The following IMMP2L variants were observed in gnomAD, a reference collection of about 807,000 sequenced individuals.
IMMP2L encodes mitochondrial inner membrane protease subunit 2.
In IMMP2L, 18 loss-of-function variants were observed where a neutral mutation model predicts 19.3. The ratio of observed to expected loss-of-function variants is 0.93; its 90% confidence interval spans 0.64 to 1.38. The LOEUF (loss-of-function observed/expected upper bound fraction) is 1.38, where lower values mean the gene tolerates loss of function less well. Among genes scored for constraint, IMMP2L ranks in the 40% most tolerant of loss-of-function variants. The probability of loss-of-function intolerance (pLI) is 0.00; values close to 1 mark genes in which losing one functional copy is unlikely to be tolerated. For missense variants in IMMP2L, 233 were observed against 218.2 expected (o/e 1.07, Z -0.43); for synonymous variants, 76 against 73.0 (o/e 1.04, Z -0.21).
At chr7:111,122,451 T>C (rs1336688618) in intron 3 of IMMP2L, 1 of 215,722 alleles carries the variant, frequency 4.6e-6, no homozygotes, top group Admixed American at 5.4e-5. Context: ...TGAAGAAGCA[T>C]GGGATTTAAA....
At chr7:111,235,581 T>C (rs1212135568) in intron 3 of IMMP2L, among the ~76,000 whole-genome samples, 2 of 152,140 alleles carry the variant, frequency 1.3e-5, no homozygotes, top group African/African-American at 4.8e-5. Flanking sequence ...CTTAACCATC[T>C]TTGTTACTCT....
intron 5 of IMMP2L, among the ~76,000 whole-genome samples, chr7:110,747,066 G>A (rs759584842): frequency 6.6e-6 from 1 of 151,920 alleles, no homozygotes; most frequent in Non-Finnish European, 1.5e-5. Flanking sequence ...AATGATAAAG[G>A]GGATACCACC....
rs754655996 is a variant in IMMP2L at position 111,536,957 on chromosome 7, TG to T, written c.-2-15509del. On this transcript the variant is annotated intron_variant, in intron 1 of 5. Coordinates refer to ENST00000405709, the MANE Select transcript of IMMP2L (RefSeq NM_032549.4). ...AGAAACAGCTGACATTGAAATTGTC[TG>T]CATCTAAAGGACATGTCAGGAAAAG... 2.6e-5 allele frequency among the ~76,000 whole-genome samples: 4 copies of T among 151,966 alleles called. No individual in the cohort carries two copies. In the South Asian group the frequency reaches 8.3e-4, roughly 32 times the overall value.
intron 1 of IMMP2L, among the ~76,000 whole-genome samples, chr7:111,550,417 C>G (rs1849341887): frequency 6.6e-6 from 1 of 152,098 alleles, no homozygotes; most frequent in Admixed American, 6.6e-5. Flanking sequence ...ATGCACTACA[C>G]CAAGAATGAA....
intron 3 of IMMP2L, among the ~76,000 whole-genome samples, chr7:111,429,094 A>T (rs1210599657): frequency 6.6e-6 from 1 of 151,870 alleles, no homozygotes; most frequent in Non-Finnish European, 1.5e-5. Context: ...CTATCAAATA[A>T]AAGAACATGC....
intron 4 of IMMP2L, among the ~76,000 whole-genome samples, chr7:110,925,600 A>C (rs534660550): frequency 2.0e-5 from 3 of 152,214 alleles, no homozygotes; most frequent in Admixed American, 6.6e-5. Flanking sequence ...TCAATAATCA[A>C]GTATAGATAC....
At position 110,914,979 on chromosome 7, in the gene IMMP2L, T is replaced by C. The variant is rs139580628; in HGVS notation, c.306-28284A>G. Among the ~76,000 whole-genome samples, 532 of 152,268 alleles carry C rather than the reference T, an allele frequency of 3.5e-3. 3 individuals carry two copies. Among genetic ancestry groups the C allele is most frequent in the Middle Eastern group, 6.8e-3 (2 of 294 alleles). On this transcript the variant is annotated intron_variant, in intron 4 of 5. Coordinates refer to ENST00000405709, the MANE Select transcript of IMMP2L (RefSeq NM_032549.4). ...TGGTGAGGAGAAAAGGGAACCCTTG[T>C]ACACTTGGTGGGAATGTAAATTAGT...
chr7:111,392,337 C>G lies in IMMP2L; in HGVS notation c.239+94901G>C, dbSNP rs59308121. ...AGCTACAATAAAAAGAATTTCCTGC[C>G]CAGGGCCAAGAATTTATAGATTTAG... On this transcript the variant is annotated intron_variant, in intron 3 of 5. Coordinates refer to ENST00000405709, the MANE Select transcript of IMMP2L (RefSeq NM_032549.4). Among the ~76,000 whole-genome samples the G allele has an allele frequency of 9.9e-3, 1,507 of 152,200 alleles. 40 individuals carry two copies. The highest frequency in any genetic ancestry group is 0.035 in the African/African-American group (1,441 of 41,530).
At chr7:110,706,768 G>A (rs953452893) in intron 5 of IMMP2L, among the ~76,000 whole-genome samples, 3 of 152,042 alleles carry the variant, frequency 2.0e-5, no homozygotes, top group East Asian at 3.9e-4. Context: ...TGCATAGGTT[G>A]TGAATATTTT....
At chr7:111,473,361 C>G (rs981482933) in intron 3 of IMMP2L, among the ~76,000 whole-genome samples, 2 of 152,060 alleles carry the variant, frequency 1.3e-5, no homozygotes, top group Non-Finnish European at 2.9e-5. Context: ...GTGGCAGCCT[C>G]CCCCAAAATA....
chr7:110,818,541 T>C (rs1802745257), intron 5 of IMMP2L, among the ~76,000 whole-genome samples: 1 of 152,130 alleles, frequency 6.6e-6, no homozygotes, highest in Admixed American at 6.6e-5. Context: ...TCAACCATTG[T>C]GGAAGTTGGT....
chr7:110,894,503 C>T (rs1041391004), intron 4 of IMMP2L, among the ~76,000 whole-genome samples: 3 of 152,088 alleles, frequency 2.0e-5, no homozygotes, highest in African/African-American at 7.2e-5. Context: ...TGTTATCTGT[C>T]ATTTGCACAT....
At chr7:110,705,520 T>C (rs1031980695) in intron 5 of IMMP2L, among the ~76,000 whole-genome samples, 1 of 152,102 alleles carries the variant, frequency 6.6e-6, no homozygotes, top group Non-Finnish European at 1.5e-5. Flanking sequence ...ATGAAGCAGG[T>C]CAAAATATTT....
intron 3 of IMMP2L, among the ~76,000 whole-genome samples, chr7:111,485,172 G>A (rs1346328028): frequency 2.0e-5 from 3 of 152,014 alleles, no homozygotes; most frequent in Non-Finnish European, 4.4e-5. Flanking sequence ...ATTGCTTCAC[G>A]ATCATCTGTT....
At chr7:110,896,419 G>A (rs967250924) in intron 4 of IMMP2L, among the ~76,000 whole-genome samples, 5 of 151,908 alleles carry the variant, frequency 3.3e-5, no homozygotes, top group African/African-American at 1.2e-4. Context: ...ATGACTTCTG[G>A]CAAGCCAATT....
intron 3 of IMMP2L, among the ~76,000 whole-genome samples, chr7:111,032,384 GA>G (rs1790921785): frequency 6.6e-6 from 1 of 152,156 alleles, no homozygotes; most frequent in Non-Finnish European, 1.5e-5. Flanking sequence ...TCTGCTCTAT[GA>G]AAAGCACTGT....
intron 3 of IMMP2L, among the ~76,000 whole-genome samples, chr7:111,439,611 T>C (rs1289663166): frequency 6.6e-6 from 1 of 151,990 alleles, no homozygotes; most frequent in Admixed American, 6.5e-5. Context: ...CATCTGAGCC[T>C]TTGGCAAGTT....
At chr7:111,242,817 T>C (rs933635882) in intron 3 of IMMP2L, among the ~76,000 whole-genome samples, 4 of 152,070 alleles carry the variant, frequency 2.6e-5, no homozygotes, top group Admixed American at 6.6e-5. Context: ...AATTTGTCTA[T>C]AAATTTATAA....
rs138797771 is a variant in IMMP2L at position 111,202,708 on chromosome 7, T to C, written c.240-239143A>G. 2.9e-3 allele frequency among the ~76,000 whole-genome samples: 440 copies of C among 152,240 alleles called. 3 individuals carry two copies. Among genetic ancestry groups the C allele is most frequent in the African/African-American group, 0.01 (421 of 41,522 alleles). On this transcript the variant is annotated intron_variant, in intron 3 of 5. Transcript: ENST00000405709. Reference sequence around the variant, plus strand: ...AGTTTGGGGAAATGAACTACTTCTCTTTAGAAATGAGATAAAGAAATAATA... The same window carrying C: ...AGTTTGGGGAAATGAACTACTTCTCCTTAGAAATGAGATAAAGAAATAATA...
Sources: allele counts gnomAD v4.1 joint callset (sites outside exome capture counted in the v4.1 genomes callset), GRCh38; gene constraint gnomAD v4.1.1; transcripts MANE v1.5; gene names NCBI Gene and HGNC (gene_info 2026-07-23, HGNC 2026-07-21).